DACH2: variants seen among roughly 807,000 people sequenced by gnomAD.
The protein encoded by DACH2 is dachshund homolog 2.
DACH2 carries 17 observed loss-of-function variants against 35.8 expected under a neutral mutation model. The observed-to-expected ratio is 0.48, with a 90% CI of 0.33 to 0.71. The LOEUF (loss-of-function observed/expected upper bound fraction) is 0.71. DACH2 is among the 30% of genes least tolerant of loss of function. The pLI is 0.02. For missense variants in DACH2, 469 were observed against 472.7 expected, an observed-to-expected ratio of 0.99 and a Z score of 0.07; for synonymous variants, 195 against 177.3, an observed-to-expected ratio of 1.10 and a Z score of -0.79.
At chrX:86,719,932 C>CTTTT (rs57079697) in intron 6 of DACH2, among the ~76,000 whole-genome samples, 5 of 75,584 alleles carry the variant, frequency 6.6e-5, no homozygotes, top group Admixed American at 2.1e-4. Flanking sequence ...TTTCTTTTTT[C>CTTTT]TTTTTTTTTT....
intron 2 of DACH2, among the ~76,000 whole-genome samples, chrX:86,467,322 C>G (rs1245421330): frequency 9.0e-6 from 1 of 111,404 alleles, no homozygotes; most frequent in Non-Finnish European, 1.9e-5. Flanking sequence ...AGTCTCTTTC[C>G]TAAAGCATAC....
chrX:86,781,028 A>G (rs2042084578), intron 7 of DACH2, among the ~76,000 whole-genome samples: 1 of 111,472 alleles, frequency 9.0e-6, no homozygotes, highest in Admixed American at 9.6e-5. Flanking sequence ...TTATAAACTC[A>G]GTGTTTCAGC....
At chrX:86,481,564 T>A (rs2037936006) in intron 2 of DACH2, 1 of 112,339 alleles carries the variant, frequency 8.9e-6, no homozygotes, top group Non-Finnish European at 1.9e-5. Context: ...TGGCTGAAAT[T>A]GAAAAATTTA....
chrX:86,327,938 G>A (rs146561177), intron 1 of DACH2, among the ~76,000 whole-genome samples: 1,614 of 111,105 alleles, frequency 0.015, 22 homozygotes, highest in African/African-American at 0.05. Flanking sequence ...GGTATTTTTA[G>A]CTTTAATTTC....
intron 1 of DACH2, among the ~76,000 whole-genome samples, chrX:86,211,865 T>C (rs2032453931): frequency 8.9e-6 from 1 of 111,814 alleles, no homozygotes; most frequent in Admixed American, 9.5e-5. Flanking sequence ...TGATTCAGAC[T>C]TTTGTGGAAA....
intron 7 of DACH2, chrX:86,799,245 G>T: frequency 5.5e-6 from 1 of 183,191 alleles, no homozygotes. Context: ...CCTGTCTTGT[G>T]GCCACCCCTT....
chrX:86,476,880 A>G (rs68059764), intron 2 of DACH2, among the ~76,000 whole-genome samples: 4,134 of 110,685 alleles, frequency 0.037, 83 homozygotes, highest in East Asian at 0.21. Flanking sequence ...AAGGTTTTCA[A>G]TTTTCTTCTT....
intron 1 of DACH2, among the ~76,000 whole-genome samples, chrX:86,334,385 AG>A (rs2035266202): frequency 8.9e-6 from 1 of 112,164 alleles, no homozygotes; most frequent in East Asian, 2.8e-4. Context: ...ACAGTGTAAA[AG>A]CATTCCTATT....
chrX:86,580,260 G>A (rs945197907), intron 3 of DACH2, among the ~76,000 whole-genome samples: 1 of 111,710 alleles, frequency 9.0e-6, no homozygotes, highest in Non-Finnish European at 1.9e-5. Flanking sequence ...AACACTGAAG[G>A]AACATTAGCA....
intron 2 of DACH2, among the ~76,000 whole-genome samples, chrX:86,453,574 G>T (rs1001241647): frequency 1.0e-5 from 1 of 99,300 alleles, no homozygotes. Flanking sequence ...TAATGTCCCT[G>T]TTTGTCTTTT....
chrX:86,765,674 G>T (rs1382771136), intron 7 of DACH2, among the ~76,000 whole-genome samples: 1 of 86,938 alleles, frequency 1.2e-5, no homozygotes, highest in African/African-American at 4.3e-5. Context: ...TGATGCCTCT[G>T]GTTTTTTTTG....
At chrX:86,349,853 T>G (rs978745488) in intron 1 of DACH2, among the ~76,000 whole-genome samples, 1 of 111,737 alleles carries the variant, frequency 8.9e-6, no homozygotes, top group African/African-American at 3.3e-5. Context: ...TAAATTGAAA[T>G]ATTAGATTTA....
chrX:86,278,255 A>G (rs1032679163), intron 1 of DACH2, among the ~76,000 whole-genome samples: 1 of 112,111 alleles, frequency 8.9e-6, no homozygotes, highest in Non-Finnish European at 1.9e-5. Flanking sequence ...ACTCTTCTCC[A>G]TGACAACTCC....
intron 2 of DACH2, among the ~76,000 whole-genome samples, chrX:86,479,035 G>C (rs1022537105): frequency 1.8e-5 from 2 of 110,761 alleles, no homozygotes; most frequent in Middle Eastern, 9.3e-3. Context: ...AGGTGGTTGG[G>C]GAGCAGAAGG....
intron 7 of DACH2, among the ~76,000 whole-genome samples, chrX:86,754,044 A>G (rs965376305): frequency 9.0e-6 from 1 of 111,630 alleles, no homozygotes; most frequent in East Asian, 2.8e-4. Context: ...TCAGACATAT[A>G]GTTATTTTAC....
intron 2 of DACH2, among the ~76,000 whole-genome samples, chrX:86,387,051 A>G (rs754088263): frequency 2.5e-4 from 28 of 111,596 alleles, no homozygotes; most frequent in Admixed American, 1.9e-4. Flanking sequence ...ATAGTCTTCT[A>G]CAGTCACACA....
intron 1 of DACH2, among the ~76,000 whole-genome samples, chrX:86,325,300 C>T (rs988911588): frequency 3.6e-5 from 4 of 110,850 alleles, no homozygotes; most frequent in Non-Finnish European, 7.6e-5. Context: ...ATTGAGTATG[C>T]CACAGGTTCC....
intron 1 of DACH2, among the ~76,000 whole-genome samples, chrX:86,325,028 A>G (rs1402798721): frequency 9.0e-6 from 1 of 111,434 alleles, no homozygotes; most frequent in African/African-American, 3.3e-5. Context: ...TTTTTTAGAT[A>G]TCATTTGATT....
intron 3 of DACH2, among the ~76,000 whole-genome samples, chrX:86,584,368 T>G (rs1416119510): frequency 9.0e-6 from 1 of 111,250 alleles, no homozygotes; most frequent in African/African-American, 3.3e-5. Context: ...CATTTTTCAC[T>G]TTTTCGTGGT....
Sources: gnomAD v4.1 joint callset for allele counts (sites outside exome capture counted in the v4.1 genomes callset) on GRCh38, gnomAD v4.1.1 for gene constraint, MANE v1.5 for transcripts, NCBI Gene and HGNC (gene_info 2026-07-23, HGNC 2026-07-21) for gene names.